Variants in DICER1 observed in about 807,000 individuals in gnomAD.
DICER1 encodes dicer 1, ribonuclease III.
DICER1 carries 43 observed loss-of-function variants against 194.1 expected under a neutral mutation model. The observed-to-expected ratio is 0.22, with a 90% CI of 0.17 to 0.29. The LOEUF (loss-of-function observed/expected upper bound fraction) is 0.29. Among genes scored for constraint, DICER1 ranks in the 10% least tolerant of loss-of-function variants. DICER1 has a pLI of 1.00. For synonymous variants in DICER1, 832 were observed against 820.5 expected, an observed-to-expected ratio of 1.01 and a Z score of -0.24; for missense variants, 1,608 against 2,317.0, an observed-to-expected ratio of 0.69 and a Z score of 6.28.
At chr14:95,145,862 T>C (rs969363772) in intron 1 of DICER1, among the ~76,000 whole-genome samples, 1 of 152,194 alleles carries the variant, frequency 6.6e-6, no homozygotes, top group African/African-American at 2.4e-5. Flanking sequence ...TAAAATTCGC[T>C]GCACATTAAC....
intron 1 of DICER1, among the ~76,000 whole-genome samples, chr14:95,149,555 A>C (rs1895375550): frequency 6.6e-6 from 1 of 152,168 alleles, no homozygotes; most frequent in Non-Finnish European, 1.5e-5. Context: ...TCATTATATT[A>C]CTGCCCCATA....
intron 1 of DICER1, among the ~76,000 whole-genome samples, chr14:95,138,999 A>T (rs940785020): frequency 1.4e-4 from 21 of 150,886 alleles, no homozygotes; most frequent in Non-Finnish European, 2.2e-4. Flanking sequence ...AAAAATAAAA[A>T]AAAAAAAAAA....
chr14:95,124,516 T>C lies in DICER1; in HGVS notation c.1056A>G (p.Leu352=). Reference sequence around the variant, plus strand: ...CTTCACATAGTGCATGTATTTTCCTTAGGAAAGTGTCTGTAAACAATAAAA... The same window carrying C: ...CTTCACATAGTGCATGTATTTTCCTCAGGAAAGTGTCTGTAAACAATAAAA... The part of the protein sequence containing the change: ...RKFLLFTDTF[L]RKIHALCEEH... Residue 352 remains leucine (L), a synonymous_variant, in exon 8 of 27, where the codon CTA becomes CTG. Transcript: ENST00000343455. This position sits in a 1 kb window ranked among gnomAD's most constrained non-coding sequence, Gnocchi z 4.5. 6.2e-7 allele frequency: 1 copy of C among 1,614,102 alleles called. No homozygotes were observed. Among genetic ancestry groups the C allele is most frequent in the African/African-American group, 1.3e-5 (1 of 75,050 alleles).
chr14:95,106,514 T>G (rs1891442926), intron 17 of DICER1, among the ~76,000 whole-genome samples: 1 of 152,110 alleles, frequency 6.6e-6, no homozygotes, highest in African/African-American at 2.4e-5. Flanking sequence ...TTCATCTATA[T>G]AAATAGTATA....
chr14:95,096,574 T>C lies in DICER1; in HGVS notation c.4346A>G (p.His1449Arg). The change falls in exon 23 of 27, where the codon CAT (histidine) becomes CGT (arginine). Residue 1449 changes from histidine to arginine, a missense_variant. His to Arg is a conservative substitution (Grantham distance 29, BLOSUM62 0). This residue lies in a region of DICER1 where 164 missense variants were observed against 183.7 expected (regional missense o/e 0.89). Transcript: ENST00000343455. ...EDDFLEYDQEHIRFIDNMLMG... is the reference protein window; with the variant it reads ...EDDFLEYDQERIRFIDNMLMG... Reference sequence around the variant, plus strand: ...TAACATATTATCTATAAATCTGATATGTTCCTGATCATACTCCAGGAAATC... The same window carrying C: ...TAACATATTATCTATAAATCTGATACGTTCCTGATCATACTCCAGGAAATC... 6.2e-7 allele frequency: 1 copy of C among 1,613,036 alleles called. No individual in the cohort carries two copies. The highest frequency in any genetic ancestry group is 2.2e-5 in the East Asian group (1 of 44,884).
intron 20 of DICER1, among the ~76,000 whole-genome samples, chr14:95,104,692 T>C (rs1255198900): frequency 2.0e-5 from 3 of 152,220 alleles, no homozygotes; most frequent in African/African-American, 4.8e-5. Flanking sequence ...CCAGAACTAA[T>C]GTGAGTGTTT....
At chr14:95,149,395 G>A (rs1023622490) in intron 1 of DICER1, among the ~76,000 whole-genome samples, 1 of 152,034 alleles carries the variant, frequency 6.6e-6, no homozygotes, top group South Asian at 2.1e-4. Flanking sequence ...TGCCTTTCCC[G>A]TAACACCAAA....
chr14:95,134,727 G>A (rs980042274), intron 1 of DICER1, among the ~76,000 whole-genome samples: 8 of 152,204 alleles, frequency 5.3e-5, no homozygotes, highest in Admixed American at 2.0e-4. Flanking sequence ...AGTAAGCAGT[G>A]CAGGGGCACC....
chr14:95,143,653 A>G (rs1184743118), intron 1 of DICER1, among the ~76,000 whole-genome samples: 1 of 152,242 alleles, frequency 6.6e-6, no homozygotes, highest in African/African-American at 2.4e-5. Flanking sequence ...TACATAAAAC[A>G]GTAAGATTTC....
Position 95,103,658 on chromosome 14 carries a change from A to G in DICER1, c.3738T>C (p.Asn1246=). 1 of 1,614,148 alleles carries G rather than the reference A, an allele frequency of 6.2e-7. No homozygotes were observed. Among genetic ancestry groups the G allele is most frequent in the Non-Finnish European group, 8.5e-7 (1 of 1,180,020 alleles). The change falls in exon 21 of 27, where the codon AAT becomes AAC. Residue 1246 remains asparagine (N), a synonymous_variant. Transcript: ENST00000343455. ...TTCCATCTGAGGTAGATTTGTTAGC[A>G]TTTCCATCAAGGTATTTATTACTCA... ...TLLSNKYLDG[N]ANKSTSDGSP... is the part of the protein sequence containing the mutation.
At chr14:95,144,854 G>A (rs553873161) in intron 1 of DICER1, among the ~76,000 whole-genome samples, 2 of 151,738 alleles carry the variant, frequency 1.3e-5, no homozygotes, top group Non-Finnish European at 2.9e-5. Flanking sequence ...TAAGAGTAAG[G>A]CATAAACTCC....
At position 95,093,053 on chromosome 14, in the gene DICER1, G is replaced by C. The variant is rs542937223; in HGVS notation, c.5364+835C>G. ...GACTTCAAACCTACTCTTAATTTTT[G>C]TCATAGAAAGTCACTACTCCCCAAC... is the stretch of plus-strand genomic sequence containing the variant. On this transcript the variant is annotated intron_variant, in intron 24 of 26. Transcript: ENST00000343455. 2.6e-5 allele frequency among the ~76,000 whole-genome samples: 4 copies of C among 152,250 alleles called. No homozygotes were observed. In the East Asian group the frequency reaches 7.7e-4, roughly 29 times the overall value.
At chr14:95,146,755 G>A (rs919578685) in intron 1 of DICER1, among the ~76,000 whole-genome samples, 3 of 152,154 alleles carry the variant, frequency 2.0e-5, no homozygotes, top group African/African-American at 7.2e-5. Context: ...AGCAAGGCCC[G>A]GACACGGGGG....
At chr14:95,131,430 C>A in intron 4 of DICER1, 79 bp downstream of exon 4, 16 of 1,407,990 alleles carry the variant, frequency 1.1e-5, no homozygotes, top group Non-Finnish European at 1.6e-5. Flanking sequence ...AATCAGACAA[C>A]CAAGGCTACA....
At chr14:95,109,312 AT>A (rs1475198091) in intron 14 of DICER1, among the ~76,000 whole-genome samples, 1 of 152,268 alleles carries the variant, frequency 6.6e-6, no homozygotes, top group Non-Finnish European at 1.5e-5. Flanking sequence ...AGGTACAAAA[AT>A]GCTGGTAAAA....
intron 1 of DICER1, among the ~76,000 whole-genome samples, chr14:95,156,917 G>A (rs1895919963): frequency 2.0e-5 from 3 of 152,140 alleles, no homozygotes; most frequent in Admixed American, 2.0e-4. Flanking sequence ...TCGCCAGGCC[G>A]GGGAGTGGAC....
rs746654096 is a variant in DICER1, at chr14:95,124,204, G to A, written c.1368C>T (p.Val456=). The A allele has an allele frequency of 1.2e-6, 2 of 1,612,814 alleles. No homozygotes were observed. The highest frequency in any genetic ancestry group is 1.3e-5 in the African/African-American group (1 of 74,902). The part of the protein sequence containing the change: ...IFVERRYTAV[V]LNRLIKEAGK... ...TCAACTTACAGATTTACCTGTTTAA[G>A]ACAACTGCTGTGTATCTTCTTTCCA... The change falls in exon 8 of 27, where the codon GTC becomes GTT. Residue 456 remains valine, a synonymous_variant. Transcript: ENST00000343455. This position sits in a 1 kb window ranked among gnomAD's most constrained non-coding sequence, Gnocchi z 4.5.
At chr14:95,095,355 A>G (rs1199163937) in intron 23 of DICER1, 2 of 194,218 alleles carry the variant, frequency 1.0e-5, no homozygotes, top group Non-Finnish European at 2.1e-5. Flanking sequence ...CTTCTTGTGA[A>G]ATCATTGCTT....
At chr14:95,123,228 G>GA (rs1055042997) in intron 8 of DICER1, among the ~76,000 whole-genome samples, 9 of 151,860 alleles carry the variant, frequency 5.9e-5, no homozygotes, top group Admixed American at 2.0e-4. Context: ...TTCTAAATTA[G>GA]AAAAAAAATC....
Sources: gnomAD v4.1 joint callset for allele counts (sites outside exome capture counted in the v4.1 genomes callset) on GRCh38, gnomAD v4.1.1 for gene constraint, gnomAD v4.1.1 regional missense constraint, Gnocchi (gnomAD v3.1) non-coding constraint, MANE v1.5 for transcripts, NCBI Gene and HGNC (gene_info 2026-07-23, HGNC 2026-07-21) for gene names.